The following KALRN variants were observed in gnomAD, a reference collection of about 807,000 sequenced individuals.
KALRN encodes the protein kalirin.
Under a neutral mutation model 353.7 loss-of-function variants are expected in KALRN, and 70 were observed. That is an observed-to-expected ratio of 0.20 (90% CI 0.16 to 0.24). The LOEUF (loss-of-function observed/expected upper bound fraction) is 0.24, where lower values mean the gene tolerates loss of function less well. Among genes scored for constraint, KALRN ranks in the 10% least tolerant of loss-of-function variants. KALRN has a pLI of 1.00. For missense variants in KALRN, 2,791 were observed against 3,756.7 expected (o/e 0.74, Z 6.72); for synonymous variants, 1,391 against 1,434.8 (o/e 0.97, Z 0.69).
chr3:124,536,529 A>C (rs2068536295), intron 33 of KALRN, among the ~76,000 whole-genome samples: 1 of 152,176 alleles, frequency 6.6e-6, no homozygotes, highest in East Asian at 1.9e-4. Flanking sequence ...TACCAGAAAA[A>C]TTGCTAGTAG....
rs563246115 is a variant in KALRN at position 124,611,698 on chromosome 3, A to T, written c.5183-20722A>T. Among the ~76,000 whole-genome samples, 4 of 152,256 alleles carry T rather than the reference A, an allele frequency of 2.6e-5. No homozygotes were observed. The South Asian group carries it at 6.2e-4, about 24-fold the overall frequency. On this transcript the variant is annotated intron_variant, in intron 34 of 59. Transcript: ENST00000682506. Reference sequence around the variant, plus strand: ...CCAGTGGCTTCCCATTGCATTGGGGATAAAGTCCAGCTTCCTGCTGTGCCC... The same window carrying T: ...CCAGTGGCTTCCCATTGCATTGGGGTTAAAGTCCAGCTTCCTGCTGTGCCC...
chr3:124,092,083 C>A (rs982063076), intron 1 of KALRN, among the ~76,000 whole-genome samples: 6 of 152,144 alleles, frequency 3.9e-5, no homozygotes, highest in African/African-American at 1.4e-4. Flanking sequence ...CTGGGGCTGA[C>A]CCAATGGGCA....
chr3:124,215,996 G>A (rs1274207171), intron 1 of KALRN, among the ~76,000 whole-genome samples: 1 of 152,174 alleles, frequency 6.6e-6, no homozygotes, highest in Non-Finnish European at 1.5e-5. Flanking sequence ...TCCAATGGCG[G>A]GGGTGTCATA....
At chr3:124,413,756 C>A in intron 14 of KALRN, 91 bp downstream of exon 14, 1 of 980,220 alleles carries the variant, frequency 1.0e-6, no homozygotes, top group Non-Finnish European at 1.5e-6. Context: ...ATCGTTTATT[C>A]ATTTTATTCC....
chr3:124,213,240 T>G (rs958728876), intron 1 of KALRN, among the ~76,000 whole-genome samples: 1 of 152,142 alleles, frequency 6.6e-6, no homozygotes, highest in Admixed American at 6.5e-5. Context: ...GGTATGAAGT[T>G]GTCAGGATTA....
At chr3:124,211,623 T>A (rs1446160130) in intron 1 of KALRN, among the ~76,000 whole-genome samples, 1 of 152,182 alleles carries the variant, frequency 6.6e-6, no homozygotes. Context: ...TGGTGAGAAG[T>A]AATCCCAGTT....
At chr3:124,707,394 T>A (rs2062675884) in intron 57 of KALRN, among the ~76,000 whole-genome samples, 1 of 140,714 alleles carries the variant, frequency 7.1e-6, no homozygotes, top group Admixed American at 7.1e-5. Flanking sequence ...AGAATAGCAG[T>A]TTCCTTCCTT....
At chr3:124,112,304 C>A (rs116773717) in intron 1 of KALRN, among the ~76,000 whole-genome samples, 1,848 of 125,416 alleles carry the variant, frequency 0.015, no homozygotes, top group Non-Finnish European at 0.018. Context: ...CTCCATCTCA[C>A]AAAAAAAAAA....
intron 34 of KALRN, among the ~76,000 whole-genome samples, chr3:124,597,218 T>C (rs560387080): frequency 1.3e-5 from 2 of 152,310 alleles, no homozygotes; most frequent in Non-Finnish European, 2.9e-5. Context: ...ATTTGAATAC[T>C]GTGTGGCAGA....
intron 34 of KALRN, among the ~76,000 whole-genome samples, chr3:124,588,921 G>A (rs998635364): frequency 6.6e-6 from 1 of 152,204 alleles, no homozygotes; most frequent in Non-Finnish European, 1.5e-5. Flanking sequence ...AGATAGTCCA[G>A]CCACCTGAAC....
intron 1 of KALRN, among the ~76,000 whole-genome samples, chr3:124,059,128 G>A (rs928008299): frequency 2.0e-5 from 3 of 152,128 alleles, no homozygotes; most frequent in African/African-American, 7.2e-5. Context: ...TAACATCTCA[G>A]TAAGTTTTCT....
At chr3:124,040,765 C>T (rs2039881482) in intron 1 of KALRN, among the ~76,000 whole-genome samples, 1 of 152,164 alleles carries the variant, frequency 6.6e-6, no homozygotes, top group South Asian at 2.1e-4. Flanking sequence ...ATCTAGTGGT[C>T]TCTGACACAC....
At chr3:124,158,683 C>G (rs541072499) in intron 1 of KALRN, among the ~76,000 whole-genome samples, 106 of 152,326 alleles carry the variant, frequency 7.0e-4, no homozygotes, top group Non-Finnish European at 1.3e-3. Context: ...CCCTCCTCCC[C>G]CCACCACCCG....
At chr3:124,462,978 C>G (rs1216035718) in intron 25 of KALRN, among the ~76,000 whole-genome samples, 1 of 152,214 alleles carries the variant, frequency 6.6e-6, no homozygotes, top group African/African-American at 2.4e-5. Flanking sequence ...GCTAACCATT[C>G]CACCTTGTGA....
At chr3:124,660,813 G>T in intron 43 of KALRN, 110 bp from the exon 44 acceptor site, 1 of 768,270 alleles carries the variant, frequency 1.3e-6, no homozygotes, top group Admixed American at 1.9e-5. Flanking sequence ...CACTTCTGCT[G>T]GGAAGGAAAG....
At chr3:124,465,727 A>G (rs1036746202) in intron 25 of KALRN, among the ~76,000 whole-genome samples, 1 of 152,190 alleles carries the variant, frequency 6.6e-6, no homozygotes, top group Non-Finnish European at 1.5e-5. Flanking sequence ...CAAAGTTGCA[A>G]TTAAGCATTG....
chr3:124,204,193 A>G (rs1278913249), intron 1 of KALRN, among the ~76,000 whole-genome samples: 1 of 152,146 alleles, frequency 6.6e-6, no homozygotes, highest in Non-Finnish European at 1.5e-5. Flanking sequence ...TAATTGCCAC[A>G]ATTATTGTTT....
At chr3:124,538,221 G>T (rs1429313487) in intron 33 of KALRN, among the ~76,000 whole-genome samples, 1 of 151,906 alleles carries the variant, frequency 6.6e-6, no homozygotes. Context: ...CAAAGAAGGT[G>T]ATATTGAAGA....
chr3:124,690,301 A>C (rs1043786262), intron 51 of KALRN, among the ~76,000 whole-genome samples: 3 of 152,208 alleles, frequency 2.0e-5, no homozygotes, highest in African/African-American at 4.8e-5. Flanking sequence ...TATATCGGTA[A>C]TTAGTCTACT....
Sources: allele counts gnomAD v4.1 joint callset (sites outside exome capture counted in the v4.1 genomes callset), GRCh38; gene constraint gnomAD v4.1.1; transcripts MANE v1.5; gene names NCBI Gene and HGNC (gene_info 2026-07-23, HGNC 2026-07-21).